Variants in MANBA observed in about 807,000 individuals in gnomAD.
MANBA encodes the protein mannosidase beta.
MANBA carries 83 observed loss-of-function variants against 111.1 expected under a neutral mutation model. The ratio of observed to expected loss-of-function variants is 0.75; its 90% CI spans 0.63 to 0.90. The LOEUF is 0.90. MANBA is among the 40% of genes least tolerant of loss of function. MANBA has a pLI of 0.00. For synonymous variants in MANBA, 370 were observed against 378.7 expected, an observed-to-expected ratio of 0.98 and a Z score of 0.27; for missense variants, 1,036 against 1,069.0, an observed-to-expected ratio of 0.97 and a Z score of 0.43.
At chr4:102,741,578 A>G (rs371216421) in intron 1 of MANBA, among the ~76,000 whole-genome samples, 1 of 152,232 alleles carries the variant, frequency 6.6e-6, no homozygotes, top group Non-Finnish European at 1.5e-5. Context: ...TAAATGTGGT[A>G]TATGTTATAC....
chr4:102,634,860 G>A lies in MANBA; in HGVS notation c.2343C>T (p.Leu781=). The A allele has an allele frequency of 6.2e-7, 1 of 1,614,196 alleles. No homozygotes were observed. The highest frequency in any genetic ancestry group is 8.5e-7 in the Non-Finnish European group (1 of 1,180,022). ...VSFYLSADHE[L]LSPTNYHFLS... ...AGAAGTGGTAGTTGGTCGGGCTCAG[G>A]AGTTCATGGTCAGCTGAAAGGTAAA... Residue 781 remains leucine, a synonymous_variant, in exon 16 of 17, where the codon CTC becomes CTT. Coordinates refer to ENST00000647097, the MANE Select transcript of MANBA (RefSeq NM_005908.4).
intron 2 of MANBA, among the ~76,000 whole-genome samples, chr4:102,724,490 C>T (rs1046782241): frequency 6.8e-6 from 1 of 147,508 alleles, no homozygotes; most frequent in Non-Finnish European, 1.5e-5. Context: ...ACCCAGGAGG[C>T]GGAGGTTGCA....
At chr4:102,649,728 G>C (rs1265576056) in intron 13 of MANBA, among the ~76,000 whole-genome samples, 6 of 151,964 alleles carry the variant, frequency 3.9e-5, no homozygotes, top group Non-Finnish European at 8.8e-5. Flanking sequence ...ATACTTAATG[G>C]TGTCCATAAT....
chr4:102,760,652 C>G (rs1255395389), intron 1 of MANBA, 66 bp downstream of exon 1: 31 of 1,466,246 alleles, frequency 2.1e-5, no homozygotes, highest in Non-Finnish European at 2.6e-5. Flanking sequence ...CAGGCGGTTC[C>G]TGGGCCCCTC....
At chr4:102,728,075 A>G (rs1722879847) in intron 1 of MANBA, 1 of 530,224 alleles carries the variant, frequency 1.9e-6, no homozygotes. Flanking sequence ...AGGCACGCCC[A>G]TGGAGAAGGG....
chr4:102,727,877 G>T, intron 1 of MANBA: 1 of 558,298 alleles, frequency 1.8e-6, no homozygotes. Context: ...AGCCCCTTGT[G>T]AAGGGGCATT....
intron 14 of MANBA, among the ~76,000 whole-genome samples, 196 bp downstream of exon 14, chr4:102,639,517 T>C (rs187109084): frequency 6.6e-6 from 1 of 152,288 alleles, no homozygotes; most frequent in Non-Finnish European, 1.5e-5. Context: ...CATAATTAGG[T>C]TGACCCTAAG....
At chr4:102,672,106 C>T (rs959405228) in intron 8 of MANBA, 12 of 398,434 alleles carry the variant, frequency 3.0e-5, no homozygotes, top group African/African-American at 1.4e-4. Context: ...CCAATTATCC[C>T]GTGGCTGTGT....
At chr4:102,693,477 A>G (rs1345397998) in intron 5 of MANBA, among the ~76,000 whole-genome samples, 3 of 152,178 alleles carry the variant, frequency 2.0e-5, no homozygotes, top group Admixed American at 6.5e-5. Context: ...CTATGTGAGG[A>G]CATAGCAAGA....
chr4:102,657,054 C>T (rs538890531), intron 12 of MANBA, among the ~76,000 whole-genome samples: 1 of 152,166 alleles, frequency 6.6e-6, no homozygotes, highest in Non-Finnish European at 1.5e-5. Context: ...AAATTGTACA[C>T]ATTAAATGGG....
rs189458441 is a variant in MANBA, at chr4:102,635,033, T to C, written c.2170A>G (p.Thr724Ala). Reference sequence around the variant, plus strand: ...CACACGGGCTCCAGGGAGCTCCATGTATGGACTCTCACCTGGGGAGAAATA... The same window carrying C: ...CACACGGGCTCCAGGGAGCTCCATGCATGGACTCTCACCTGGGGAGAAATA... The part of the protein sequence containing the change: ...YSMTLSVRVH[T>A]WSSLEPVCSR... The change falls in exon 16 of 17, where the codon ACA (threonine) becomes GCA (alanine). Residue 724 changes from threonine (T) to alanine (A), a missense_variant. Transcript: ENST00000647097. 1 of 1,614,142 alleles carries C rather than the reference T, an allele frequency of 6.2e-7. No homozygotes were observed.
intron 1 of MANBA, among the ~76,000 whole-genome samples, chr4:102,748,264 T>C (rs902901244): frequency 1.3e-5 from 2 of 152,188 alleles, no homozygotes; most frequent in Non-Finnish European, 2.9e-5. Flanking sequence ...CCTACATGCC[T>C]CACAGGATCA....
At chr4:102,755,578 A>G (rs1057251098) in intron 1 of MANBA, among the ~76,000 whole-genome samples, 3 of 152,238 alleles carry the variant, frequency 2.0e-5, no homozygotes, top group African/African-American at 7.2e-5. Context: ...CTTCATGACT[A>G]AAACACCAAA....
At chr4:102,726,169 T>TTG (rs1290373444) in intron 2 of MANBA, among the ~76,000 whole-genome samples, 4 of 152,018 alleles carry the variant, frequency 2.6e-5, no homozygotes, top group African/African-American at 4.8e-5. Flanking sequence ...GGTGGTACCT[T>TTG]TGGGTAACAT....
intron 7 of MANBA, among the ~76,000 whole-genome samples, chr4:102,675,181 C>CT (rs1731672816): frequency 6.6e-6 from 1 of 152,142 alleles, no homozygotes; most frequent in African/African-American, 2.4e-5. Context: ...TAAGTGTGGC[C>CT]TGGGGACTCC....
At chr4:102,706,671 G>C (rs966650366) in intron 5 of MANBA, among the ~76,000 whole-genome samples, 7 of 151,794 alleles carry the variant, frequency 4.6e-5, no homozygotes, top group Non-Finnish European at 1.0e-4. Context: ...CATTCATTGA[G>C]ATGCAAGATA....
At chr4:102,635,468 ATAG>A (rs1225848830) in intron 15 of MANBA, among the ~76,000 whole-genome samples, 1 of 152,180 alleles carries the variant, frequency 6.6e-6, no homozygotes, top group African/African-American at 2.4e-5. Flanking sequence ...CGCATTCTGA[ATAG>A]TTTTACTGAT....
At chr4:102,708,422 T>A (rs1733400809) in intron 5 of MANBA, among the ~76,000 whole-genome samples, 1 of 151,778 alleles carries the variant, frequency 6.6e-6, no homozygotes, top group African/African-American at 2.4e-5. Flanking sequence ...AAGAAAGAAA[T>A]TAAGGAGGTA....
intron 13 of MANBA, among the ~76,000 whole-genome samples, chr4:102,646,329 G>A (rs1730102027): frequency 6.6e-6 from 1 of 151,968 alleles, no homozygotes; most frequent in Non-Finnish European, 1.5e-5. Context: ...ATCTTCCATC[G>A]TGTCTCAGTG....
Sources: allele counts gnomAD v4.1 joint callset (sites outside exome capture counted in the v4.1 genomes callset), GRCh38; gene constraint gnomAD v4.1.1; transcripts MANE v1.5; gene names NCBI Gene and HGNC (gene_info 2026-07-23, HGNC 2026-07-21).